Variants in OR51B5 observed in about 807,000 individuals in gnomAD.
OR51B5 encodes the protein olfactory receptor 51B5.
For missense variants in OR51B5, 456 were observed against 374.6 expected (o/e 1.22, Z -1.79); for synonymous variants, 186 against 144.8 (o/e 1.28, Z -2.04).
intron 1 of OR51B5, chr11:5,468,561 G>A (rs1424791028): frequency 9.6e-6 from 4 of 416,828 alleles, no homozygotes; most frequent in Admixed American, 2.5e-5. Flanking sequence ...AGATAATTGG[G>A]TAGAGCATTG....
At chr11:5,467,488 A>G (rs1186579696) in intron 1 of OR51B5, among the ~76,000 whole-genome samples, 2 of 152,162 alleles carry the variant, frequency 1.3e-5, no homozygotes, top group African/African-American at 4.8e-5. Flanking sequence ...TTCCCTAATC[A>G]TCCATTGGAG....
exon 1 of OR51B5, chr11:5,342,874 C>T (rs1466605609): frequency 1.4e-5 from 23 of 1,612,558 alleles, no homozygotes; most frequent in Non-Finnish European, 1.9e-5. Context: ...TGAGTATCAA[C>T]ACATAGGAGA....
At chr11:5,360,270 T>G (rs28763600) in intron 1 of OR51B5, among the ~76,000 whole-genome samples, 56,628 of 150,530 alleles carry the variant, frequency 0.38, 10,870 homozygotes, top group Non-Finnish European at 0.4. Context: ...ATATCCAGAA[T>G]CTATGATGAA....
intron 1 of OR51B5, among the ~76,000 whole-genome samples, chr11:5,501,131 C>CT (rs937990401): frequency 5.4e-5 from 8 of 147,846 alleles, no homozygotes; most frequent in Non-Finnish European, 7.6e-5. Flanking sequence ...GCTGAAAAGC[C>CT]TGTTAGCTAC....
At chr11:5,342,039 T>C (rs1848903245), downstream of OR51B5, among the ~76,000 whole-genome samples, 1 of 152,162 alleles carries the variant, frequency 6.6e-6, no homozygotes, top group South Asian at 2.1e-4. Context: ...AACTAGACTG[T>C]TGAGATGATA....
intron 1 of OR51B5, among the ~76,000 whole-genome samples, chr11:5,498,979 T>C (rs1272927532): frequency 1.3e-5 from 2 of 152,204 alleles, no homozygotes; most frequent in African/African-American, 4.8e-5. Context: ...TAATCATAGA[T>C]TGTCCCACAG....
At chr11:5,413,095 A>G (rs554614988) in intron 1 of OR51B5, among the ~76,000 whole-genome samples, 1 of 152,300 alleles carries the variant, frequency 6.6e-6, no homozygotes, top group East Asian at 1.9e-4. Flanking sequence ...AAACTTCCAG[A>G]GGAACGATCA....
chr11:5,474,130 C>T (rs570597881), intron 1 of OR51B5, among the ~76,000 whole-genome samples: 5 of 152,214 alleles, frequency 3.3e-5, no homozygotes, highest in Non-Finnish European at 5.9e-5. Context: ...CAAGCACATA[C>T]CATAAACTTA....
chr11:5,499,336 T>A (rs1250407824), intron 1 of OR51B5, among the ~76,000 whole-genome samples: 2 of 17,442 alleles, frequency 1.1e-4, no homozygotes, highest in African/African-American at 3.6e-4. Context: ...AAAACAGGAT[T>A]TATAAATTTG....
intron 1 of OR51B5, among the ~76,000 whole-genome samples, chr11:5,452,411 C>T (rs1056070109): frequency 2.8e-5 from 4 of 145,222 alleles, no homozygotes; most frequent in Non-Finnish European, 3.0e-5. Context: ...GAGGCTGAGG[C>T]AGAAGAATGG....
At chr11:5,448,976 A>T (rs946800927) in intron 1 of OR51B5, among the ~76,000 whole-genome samples, 2 of 152,208 alleles carry the variant, frequency 1.3e-5, no homozygotes, top group Non-Finnish European at 2.9e-5. Context: ...TAAAGAGACA[A>T]GAAGAGTAAA....
In OR51B5 at chr11:5,454,222, T is replaced by C. The variant is rs1274703858; in HGVS notation, n.84+51347A>G. The C allele has an allele frequency of 9.9e-6, 16 of 1,614,090 alleles. No homozygotes were observed. In the Admixed American group the frequency reaches 2.7e-4, roughly 27 times the overall value. Reference sequence around the variant, plus strand: ...GCTCTCAACACATGTGTGTCACATATCCTGGCTGTACTTGCATTTTATGTG... The same window carrying C: ...GCTCTCAACACATGTGTGTCACATACCCTGGCTGTACTTGCATTTTATGTG... On this transcript the variant is annotated intron_variant and non_coding_transcript_variant, in intron 1 of 4. Transcript: ENST00000415970.
chr11:5,466,426 A>G (rs1187180535), intron 1 of OR51B5, among the ~76,000 whole-genome samples: 2 of 152,186 alleles, frequency 1.3e-5, no homozygotes, highest in African/African-American at 4.8e-5. Flanking sequence ...AAATGAAAGG[A>G]CGCATTTTTT....
chr11:5,403,251 T>G (rs1306705990), intron 1 of OR51B5: 1 of 471,362 alleles, frequency 2.1e-6, no homozygotes, highest in East Asian at 6.9e-5. Context: ...GATTGTGATC[T>G]CCTATGGGCT....
intron 1 of OR51B5, among the ~76,000 whole-genome samples, chr11:5,480,155 A>G (rs1229002495): frequency 6.6e-6 from 1 of 152,106 alleles, no homozygotes; most frequent in African/African-American, 2.4e-5. Flanking sequence ...ATAACAAACT[A>G]TCTCTCAGAC....
At chr11:5,379,806 T>G (rs11604201) in intron 1 of OR51B5, among the ~76,000 whole-genome samples, 16,857 of 152,176 alleles carry the variant, frequency 0.11, 1,059 homozygotes, top group South Asian at 0.15. Flanking sequence ...CTTGATACTT[T>G]CCCATGAGTC....
At chr11:5,370,158 TAATTTAAAA>T (rs1849427271) in intron 1 of OR51B5, among the ~76,000 whole-genome samples, 1 of 152,202 alleles carries the variant, frequency 6.6e-6, no homozygotes, top group Non-Finnish European at 1.5e-5. Flanking sequence ...TACCAAGTTG[TAATTTAAAA>T]ATAATGCTCA....
chr11:5,343,789 TC>T (rs1564912577), upstream of OR51B5, among the ~76,000 whole-genome samples: 3 of 152,210 alleles, frequency 2.0e-5, no homozygotes, highest in Admixed American at 6.5e-5. Context: ...ATTTAAGCAT[TC>T]TCTTCAGAAA....
intron 1 of OR51B5, among the ~76,000 whole-genome samples, chr11:5,356,152 A>G (rs1426678977): frequency 6.6e-6 from 1 of 152,194 alleles, no homozygotes; most frequent in African/African-American, 2.4e-5. Flanking sequence ...TTGAGAGAAG[A>G]AGGCTTCAGA....
Sources: gnomAD v4.1 joint callset for allele counts (sites outside exome capture counted in the v4.1 genomes callset) on GRCh38, gnomAD v4.1.1 for gene constraint, MANE v1.5 for transcripts, NCBI Gene and HGNC (gene_info 2026-07-23, HGNC 2026-07-21) for gene names.